ARMC6: variants seen among roughly 807,000 people sequenced by gnomAD.
ARMC6 encodes the protein armadillo repeat-containing protein 6.
A neutral mutation model predicts 49.2 loss-of-function variants in ARMC6; 43 were observed. The ratio of observed to expected loss-of-function variants is 0.87; its 90% CI spans 0.69 to 1.13. The LOEUF is 1.13. ARMC6 is among the 50% of genes most tolerant of loss of function. The probability of loss-of-function intolerance (pLI) is 0.00; values close to 1 mark genes in which losing one functional copy is unlikely to be tolerated. For synonymous variants in ARMC6, 262 were observed against 289.6 expected (o/e 0.90, Z 0.97); for missense variants, 627 against 682.0 (o/e 0.92, Z 0.90).
Position 19,044,087 on chromosome 19 carries a change from A to C in ARMC6, c.279+13A>C. The C allele has an allele frequency of 1.2e-6, 2 of 1,612,288 alleles. No individual in the cohort carries two copies. The highest frequency in any genetic ancestry group is 1.7e-6 in the Non-Finnish European group (2 of 1,178,364). ...TGACATCCTGCAGGTAGGAGTGGGC[A>C]TCCCACACAGCAGGTCCTGCGTCAC... On this transcript the variant is annotated intron_variant, in intron 4 of 8. Transcript: ENST00000535612.
chr19:19,046,577 T>A (rs2059452242), intron 4 of ARMC6, among the ~76,000 whole-genome samples: 2 of 151,586 alleles, frequency 1.3e-5, no homozygotes, highest in South Asian at 4.2e-4. Context: ...TCACTGCAGC[T>A]TCCTTCTCCC....
chr19:19,051,600 A>G, intron 4 of ARMC6, 22 bp from the exon 5 acceptor site: 1 of 1,564,060 alleles, frequency 6.4e-7, no homozygotes, highest in Non-Finnish European at 8.7e-7. Flanking sequence ...GCTGATGCTG[A>G]GGTTTCTCCC....
Position 19,051,659 on chromosome 19 carries a change from GC to G in ARMC6, c.322del (p.Gln108ArgfsTer58), listed in dbSNP as rs767444557. On this transcript the variant is annotated frameshift_variant, in exon 5 of 9. Transcript: ENST00000535612. LOFTEE classifies it high-confidence loss of function. ...SDLQESVASS[R>X]PQEVSAYLTR... is the part of the protein sequence containing the mutation. ...CTCCAGGAGTCTGTGGCCAGCTCTC[GC>G]CCCCAGGAGGTGTCAGCATACCTCA... is the stretch of plus-strand genomic sequence containing the variant. The G allele has an allele frequency of 6.2e-6, 10 of 1,610,690 alleles. No homozygotes were observed. In the Admixed American group the frequency reaches 1.5e-4, roughly 24 times the overall value.
At chr19:19,056,438 T>G (rs889882216) in intron 8 of ARMC6, among the ~76,000 whole-genome samples, 1 of 152,114 alleles carries the variant, frequency 6.6e-6, no homozygotes, top group Non-Finnish European at 1.5e-5. Context: ...ATTTTTGTAT[T>G]TTTAGTAGAG....
chr19:19,038,895 G>GTA (rs1365237076), intron 2 of ARMC6, among the ~76,000 whole-genome samples: 2 of 64,304 alleles, frequency 3.1e-5, no homozygotes, highest in African/African-American at 1.3e-4. Flanking sequence ...GGGTTTGTGT[G>GTA]TATACACACA....
In ARMC6 at chr19:19,051,749, C is replaced by A; in HGVS notation, c.407C>A (p.Ala136Asp). The change falls in exon 5 of 9, where the codon GCC (alanine) becomes GAC (aspartate). Residue 136 changes from alanine (A) to aspartate (D), a missense_variant. Physicochemically the swap from Ala to Asp is moderately radical, Grantham distance 126 (BLOSUM62 -2). Coordinates refer to ENST00000535612, the MANE Select transcript of ARMC6 (RefSeq NM_001199196.2). ...ACRFLAAQKGAYPIIFTAWKL... is the reference protein window; with the variant it reads ...ACRFLAAQKGDYPIIFTAWKL... ...CGCTTCCTCGCGGCCCAGAAGGGGG[C>A]CTACCCCATCATCTTCACTGCCTGG... 6.2e-7 allele frequency: 1 copy of A among 1,614,040 alleles called. No individual in the cohort carries two copies. Among genetic ancestry groups the A allele is most frequent in the South Asian group, 1.1e-5 (1 of 91,086 alleles).
At chr19:19,039,275 C>T (rs557641530) in intron 2 of ARMC6, 48 of 401,494 alleles carry the variant, frequency 1.2e-4, no homozygotes, top group South Asian at 1.8e-4. Flanking sequence ...ACTTCAACCA[C>T]ACGCAAATGC....
intron 2 of ARMC6, among the ~76,000 whole-genome samples, chr19:19,041,460 T>C (rs2059411156): frequency 6.6e-6 from 1 of 152,054 alleles, no homozygotes; most frequent in South Asian, 2.1e-4. Flanking sequence ...ATGATTCTCC[T>C]GCCTCAGCCT....
At position 19,057,442 on chromosome 19, in the gene ARMC6, C is replaced by G. The variant is rs2059553701; in HGVS notation, c.1320C>G (p.Asn440Lys). The G allele has an allele frequency of 6.2e-7, 1 of 1,613,664 alleles. No individual in the cohort carries two copies. Among genetic ancestry groups the G allele is most frequent in the Non-Finnish European group, 8.5e-7 (1 of 1,180,002 alleles). Reference protein sequence around the residue: ...VQKQACMLIRNLVAHGQAFSK... With the variant: ...VQKQACMLIRKLVAHGQAFSK... The stretch of plus-strand genomic sequence containing the variant: ...AACAGGCTTGCATGCTGATCCGAAA[C>G]CTGGTGGCCCACGGCCAGGCCTTCT... The change falls in exon 9 of 9, where the codon AAC becomes AAG. Residue 440 changes from asparagine to lysine, a missense_variant. Asn to Lys is a moderately conservative substitution (Grantham distance 94, BLOSUM62 0). Coordinates refer to ENST00000535612, the MANE Select transcript of ARMC6 (RefSeq NM_001199196.2).
intron 4 of ARMC6, among the ~76,000 whole-genome samples, chr19:19,050,521 G>A (rs2059487517): frequency 2.6e-5 from 4 of 152,182 alleles, no homozygotes; most frequent in Admixed American, 2.6e-4. Context: ...TGGCTTCTCT[G>A]TAGGTTTGAA....
chr19:19,040,702 G>A (rs1037587772), intron 2 of ARMC6: 2 of 405,116 alleles, frequency 4.9e-6, no homozygotes, highest in Non-Finnish European at 4.9e-6. Flanking sequence ...AGGCTGGAGT[G>A]CAATGGCATG....
At chr19:19,035,724 A>G (rs551994322) in intron 2 of ARMC6, among the ~76,000 whole-genome samples, 27 of 152,088 alleles carry the variant, frequency 1.8e-4, no homozygotes, top group Non-Finnish European at 3.5e-4. Flanking sequence ...CAGAAGCTCC[A>G]CAGAGGACTG....
intron 4 of ARMC6, among the ~76,000 whole-genome samples, chr19:19,048,407 C>T (rs1363426876): frequency 6.6e-6 from 1 of 151,892 alleles, no homozygotes; most frequent in Non-Finnish European, 1.5e-5. Flanking sequence ...CTTATAATCC[C>T]AGCTACTTGG....
chr19:19,050,210 G>A (rs781655915), intron 4 of ARMC6, among the ~76,000 whole-genome samples: 12 of 151,870 alleles, frequency 7.9e-5, no homozygotes, highest in Non-Finnish European at 1.5e-4. Context: ...TCTCTCTGTC[G>A]CCCAGGCTGG....
intron 4 of ARMC6, among the ~76,000 whole-genome samples, chr19:19,049,760 T>C (rs1168213154): frequency 6.6e-6 from 1 of 152,208 alleles, no homozygotes; most frequent in African/African-American, 2.4e-5. Flanking sequence ...CCCTGGCTTA[T>C]GCCTGTAATC....
chr19:19,051,019 C>T (rs1270204368), intron 4 of ARMC6, among the ~76,000 whole-genome samples: 1 of 152,214 alleles, frequency 6.6e-6, no homozygotes, highest in Non-Finnish European at 1.5e-5. Context: ...AATCTGCTCT[C>T]TGTACAGTGT....
At position 19,034,234 on chromosome 19, in the gene ARMC6, T is replaced by TA. The variant is rs2059316094; in HGVS notation, c.26dup (p.Tyr9Ter). 1 of 1,595,048 alleles carries TA rather than the reference T, an allele frequency of 6.3e-7. No individual in the cohort carries two copies. Among genetic ancestry groups the TA allele is most frequent in the Non-Finnish European group, 8.5e-7 (1 of 1,178,426 alleles). The change falls in exon 2 of 9, where the codon TAC becomes TAAC. Residue 9 changes from tyrosine (Y) to a stop codon, truncating the protein, a stop_gained and frameshift_variant. Coordinates refer to ENST00000535612, the MANE Select transcript of ARMC6 (RefSeq NM_001199196.2). LOFTEE classifies it high-confidence loss of function. MSERCCSR[Y>*]SSGASIGCTP... ...AATGAGTGAACGATGTTGCTCTAGA[T>TA]ACAGGTAATGGTGTGCAAATAATAA...
Position 19,058,160 on chromosome 19 carries a change from T to A in ARMC6, c.*532T>A, listed in dbSNP as rs569778727. ...AGCCAGGATACCTGATAATAAAAGATCATTGGGTGAACAGCGGAGGGGTCT... is the reference window on the plus strand; with the variant it reads ...AGCCAGGATACCTGATAATAAAAGAACATTGGGTGAACAGCGGAGGGGTCT... On this transcript the variant is annotated 3_prime_UTR_variant, in exon 9 of 9. Coordinates refer to ENST00000535612, the MANE Select transcript of ARMC6 (RefSeq NM_001199196.2). 9 of 176,346 alleles carry A rather than the reference T, an allele frequency of 5.1e-5. No homozygotes were observed. Among genetic ancestry groups the A allele is most frequent in the African/African-American group, 2.1e-4 (9 of 41,896 alleles). The allele number at this position is 176,346 out of a possible 1,614,324, so 10.9% of individuals were successfully genotyped here.
chr19:19,038,889 TTG>T (rs1487670994), intron 2 of ARMC6, among the ~76,000 whole-genome samples: 4 of 109,926 alleles, frequency 3.6e-5, no homozygotes, highest in Non-Finnish European at 7.3e-5. Context: ...TAAGGTGGGT[TTG>T]TGTGTATACA....
Sources: allele counts gnomAD v4.1 joint callset (sites outside exome capture counted in the v4.1 genomes callset), GRCh38; gene constraint gnomAD v4.1.1; transcripts MANE v1.5; gene names NCBI Gene and HGNC (gene_info 2026-07-23, HGNC 2026-07-21).